PCLO: variants seen among roughly 807,000 people sequenced by gnomAD.
PCLO encodes piccolo presynaptic cytomatrix protein.
A neutral mutation model predicts 427.5 loss-of-function variants in PCLO; 82 were observed. The observed-to-expected ratio is 0.19, with a 90% confidence interval of 0.16 to 0.23. The LOEUF (loss-of-function observed/expected upper bound fraction) is 0.23. Among genes scored for constraint, PCLO ranks in the 10% least tolerant of loss-of-function variants. The pLI is 1.00. For synonymous variants in PCLO, 2,357 were observed against 2,155.4 expected (o/e 1.09, Z -2.59); for missense variants, 6,239 against 6,115.9 (o/e 1.02, Z -0.67).
intron 20 of PCLO, among the ~76,000 whole-genome samples, chr7:82,812,329 G>C (rs181608116): frequency 3.6e-4 from 54 of 151,524 alleles, no homozygotes; most frequent in African/African-American, 1.2e-3. Flanking sequence ...CTAATAGCAC[G>C]GTATAGAGGA....
rs199740692 is a variant in PCLO, at chr7:83,093,462, A to ATGTGTGTGTGTGTG, written c.3300+40787_3300+40788insCACACACACACACA. ...CATTTTATCAACCACAAACATATAT[A>ATGTGTGTGTGTGTG]TGTGTGTGTGTATAGATATATATAT... On this transcript the variant is annotated intron_variant, in intron 3 of 24. Coordinates refer to ENST00000333891, the MANE Select transcript of PCLO (RefSeq NM_033026.6). 5.3e-4 allele frequency among the ~76,000 whole-genome samples: 50 copies of ATGTGTGTGTGTGTG among 94,802 alleles called. 1 individual carries two copies. The highest frequency in any genetic ancestry group is 2.0e-3 in the South Asian group (6 of 3,024). The allele number at this position is 94,802 out of a possible 152,430, so 62.2% of individuals were successfully genotyped here.
intron 3 of PCLO, among the ~76,000 whole-genome samples, chr7:83,068,426 A>T (rs1789722763): frequency 6.6e-6 from 1 of 152,114 alleles, no homozygotes; most frequent in Non-Finnish European, 1.5e-5. Context: ...AAAACAAACA[A>T]AAAACCCCCC....
chr7:83,072,278 C>T (rs1789837534), intron 3 of PCLO, among the ~76,000 whole-genome samples: 1 of 151,946 alleles, frequency 6.6e-6, no homozygotes, highest in South Asian at 2.1e-4. Context: ...TTATGAAGAA[C>T]ACATATTTTA....
chr7:83,109,441 A>G (rs1273362456), intron 3 of PCLO, among the ~76,000 whole-genome samples: 3 of 152,044 alleles, frequency 2.0e-5, no homozygotes, highest in African/African-American at 7.2e-5. Flanking sequence ...CCTCTTTGAA[A>G]TCTCTATTGT....
chr7:83,122,941 C>T (rs537014143), intron 3 of PCLO, among the ~76,000 whole-genome samples: 1 of 152,136 alleles, frequency 6.6e-6, no homozygotes, highest in Admixed American at 6.5e-5. Flanking sequence ...AGTGAAAGTT[C>T]TCTACAATAA....
chr7:82,844,728 G>A (rs1479189695), intron 13 of PCLO, among the ~76,000 whole-genome samples: 4 of 151,650 alleles, frequency 2.6e-5, no homozygotes, highest in Non-Finnish European at 4.4e-5. Flanking sequence ...TAAATTCCCC[G>A]GCACTTTGAA....
intron 3 of PCLO, among the ~76,000 whole-genome samples, chr7:82,968,214 T>C (rs1795822593): frequency 6.6e-6 from 1 of 152,232 alleles, no homozygotes; most frequent in Non-Finnish European, 1.5e-5. Flanking sequence ...TTAGGATATA[T>C]ATGGATTCAT....
intron 6 of PCLO, among the ~76,000 whole-genome samples, chr7:82,948,471 T>C (rs2116411111): frequency 6.6e-6 from 1 of 152,318 alleles, no homozygotes; most frequent in Non-Finnish European, 1.5e-5. Context: ...AATGGAAATG[T>C]AACACCATCT....
chr7:83,159,345 C>T (rs1328755037), intron 1 of PCLO, among the ~76,000 whole-genome samples: 1 of 152,002 alleles, frequency 6.6e-6, no homozygotes. Flanking sequence ...TCAGTTCAGT[C>T]AGAATTCTTA....
At chr7:83,149,215 G>A (rs906622106) in intron 2 of PCLO, among the ~76,000 whole-genome samples, 1 of 152,148 alleles carries the variant, frequency 6.6e-6, no homozygotes, top group Non-Finnish European at 1.5e-5. Context: ...TCCTACTGCA[G>A]TTCTGAAATT....
At chr7:83,097,252 G>A (rs1051044134) in intron 3 of PCLO, among the ~76,000 whole-genome samples, 2 of 137,448 alleles carry the variant, frequency 1.5e-5, no homozygotes, top group Non-Finnish European at 3.0e-5. Context: ...GCCAGGCACA[G>A]TGGCTCACGC....
chr7:82,856,888 T>C (rs7797866), intron 10 of PCLO, among the ~76,000 whole-genome samples: 2,605 of 152,190 alleles, frequency 0.017, 90 homozygotes, highest in African/African-American at 0.06. Context: ...GGCCAAGCCC[T>C]AATGGATGGA....
At chr7:82,848,350 G>T (rs1233777735) in intron 10 of PCLO, among the ~76,000 whole-genome samples, 1 of 120,088 alleles carries the variant, frequency 8.3e-6, no homozygotes, top group Non-Finnish European at 1.6e-5. Flanking sequence ...CCACTCTGTC[G>T]CCCAGACTGG....
At position 82,878,967 on chromosome 7, in the gene PCLO, T is replaced by TACTG. The variant is rs535850703; in HGVS notation, c.13654+366_13654+369dup. Among the ~76,000 whole-genome samples, 3 of 152,308 alleles carry TACTG rather than the reference T, an allele frequency of 2.0e-5. No homozygotes were observed. The South Asian group carries it at 6.2e-4, about 32-fold the overall frequency. ...AGTTTGCTTACCCAACCTTAGTGTG[T>TACTG]ACTGGATCATTTGATTTTTTTTGTA... On this transcript the variant is annotated intron_variant, in intron 10 of 24. Transcript: ENST00000333891.
At position 82,978,835 on chromosome 7, in the gene PCLO, AACAC is replaced by A. The variant is rs764956145; in HGVS notation, c.3301-12352_3301-12349del. On this transcript the variant is annotated intron_variant, in intron 3 of 24. Transcript: ENST00000333891. ...ATGAACCAAAGCTCCAGGAACAAGA[AACAC>A]ACACACACACACACACAAACACACA... is the stretch of plus-strand genomic sequence containing the variant. Among the ~76,000 whole-genome samples the A allele has an allele frequency of 1.8e-3, 228 of 129,912 alleles. 1 individual carries two copies. Among genetic ancestry groups the A allele is most frequent in the African/African-American group, 6.1e-3 (214 of 35,290 alleles). 85.2% of individuals were successfully genotyped at this position (129,912 alleles called of 152,430 possible). A position where few individuals can be genotyped will look rare whatever the true frequency, so the allele number is the denominator to read the frequency against.
chr7:82,845,646 CTAAGG>C (rs1792482005), intron 12 of PCLO, among the ~76,000 whole-genome samples, 161 bp from the exon 13 acceptor site: 1 of 152,040 alleles, frequency 6.6e-6, no homozygotes, highest in African/African-American at 2.4e-5. Context: ...GTATCAATTT[CTAAGG>C]AAGTCTACAA....
chr7:83,113,729 T>C (rs1036181131), intron 3 of PCLO, among the ~76,000 whole-genome samples: 12 of 152,172 alleles, frequency 7.9e-5, no homozygotes, highest in African/African-American at 2.9e-4. Flanking sequence ...AGGGTAATTT[T>C]GTAAAAACAC....
chr7:82,941,243 T>C (rs1006067519), intron 6 of PCLO, among the ~76,000 whole-genome samples: 2 of 152,152 alleles, frequency 1.3e-5, no homozygotes, highest in Non-Finnish European at 2.9e-5. Context: ...ACCTTCTTTA[T>C]GTAATTTTAA....
At chr7:82,798,879 C>T (rs1859177) in intron 22 of PCLO, among the ~76,000 whole-genome samples, 6,005 of 152,188 alleles carry the variant, frequency 0.039, 219 homozygotes, top group African/African-American at 0.095. Flanking sequence ...TGTTCCCATC[C>T]TCAACCCCCG....
Sources: allele counts gnomAD v4.1 joint callset (sites outside exome capture counted in the v4.1 genomes callset), GRCh38; gene constraint gnomAD v4.1.1; transcripts MANE v1.5; gene names NCBI Gene and HGNC (gene_info 2026-07-23, HGNC 2026-07-21).